Variants in WDR54 observed in about 807,000 individuals in gnomAD.
The protein encoded by WDR54 is WD repeat domain 54, also known as WD repeat-containing protein 54.
Under a neutral mutation model 44.1 loss-of-function variants are expected in WDR54, and 44 were observed. The observed-to-expected ratio is 1.00, with a 90% confidence interval of 0.78 to 1.28. The LOEUF is 1.28. Ranked by LOEUF, WDR54 falls within the 50% of genes most tolerant of loss-of-function variation. The probability of loss-of-function intolerance (pLI) is 0.00; values close to 1 mark genes in which losing one functional copy is unlikely to be tolerated. For synonymous variants in WDR54, 169 were observed against 169.8 expected, an observed-to-expected ratio of 1.00 and a Z score of 0.04; for missense variants, 409 against 429.7, an observed-to-expected ratio of 0.95 and a Z score of 0.43.
At chr2:74,424,067 A>C in intron 6 of WDR54, 85 bp downstream of exon 6, 3 of 1,553,862 alleles carry the variant, frequency 1.9e-6, no homozygotes, top group Non-Finnish European at 1.8e-6. Flanking sequence ...CTCTGCCACT[A>C]AACAGGTGGA....
At chr2:74,422,818 A>T in intron 2 of WDR54, 52 bp from the exon 3 acceptor site, 2 of 1,505,400 alleles carry the variant, frequency 1.3e-6, no homozygotes, top group Non-Finnish European at 1.8e-6. Flanking sequence ...AAACAAACAA[A>T]CTCATCTTCC....
At position 74,425,185 on chromosome 2, in the gene WDR54, A is replaced by G. The variant is rs1440576128; in HGVS notation, c.746A>G (p.Asn249Ser). Residue 249 changes from asparagine to serine, a missense_variant, in exon 8 of 10, where the codon AAT (asparagine) becomes AGT (serine). Asn to Ser is a conservative substitution (Grantham distance 46). Transcript: ENST00000348227. ...ATTGNLHVQI[N>S]AHARAICALD... ...ACAGGAAATCTACATGTCCAGATCAATGCCCATGCCCGGGCCATCTGCGCC... is the reference window on the plus strand; with the variant it reads ...ACAGGAAATCTACATGTCCAGATCAGTGCCCATGCCCGGGCCATCTGCGCC... The G allele has an allele frequency of 1.3e-6, 2 of 1,539,206 alleles. No homozygotes were observed. The highest frequency in any genetic ancestry group is 1.4e-5 in the African/African-American group (1 of 72,946).
rs1477133992 is a variant in WDR54 at position 74,424,939 on chromosome 2, C to T, written c.599C>T (p.Pro200Leu). ...SGLLCVWRSG[P>L]EFTLLTRIPG... ...TTGCTGTGTGTCTGGCGGTCAGGGC[C>T]AGAATTCACATTATTGACCCGCATT... Residue 200 changes from proline to leucine, a missense_variant, in exon 7 of 10, where the codon CCA becomes CTA. Pro to Leu is a moderately conservative substitution (Grantham distance 98). Coordinates refer to ENST00000348227, the MANE Select transcript of WDR54 (RefSeq NM_032118.4). The T allele has an allele frequency of 6.2e-7, 1 of 1,614,162 alleles. No individual in the cohort carries two copies. Among genetic ancestry groups the T allele is most frequent in the Admixed American group, 1.7e-5 (1 of 60,028 alleles).
At position 74,425,145 on chromosome 2, in the gene WDR54, C is replaced by T; in HGVS notation, c.706C>T (p.Leu236=). The change falls in exon 8 of 10, where the codon CTA becomes TTA. Residue 236 remains leucine, a synonymous_variant. Coordinates refer to ENST00000348227, the MANE Select transcript of WDR54 (RefSeq NM_032118.4). The part of the protein sequence containing the change: ...AAGYGNGQVH[L]YEATTGNLHV... ...AGGCTATGGGAACGGACAAGTGCAT[C>T]TATATGAGGCCACTACAGGAAATCT... is the stretch of plus-strand genomic sequence containing the variant. The T allele has an allele frequency of 6.4e-7, 1 of 1,560,400 alleles. No homozygotes were observed.
chr2:74,424,437 G>T (rs567783562), intron 6 of WDR54, among the ~76,000 whole-genome samples: 1 of 152,188 alleles, frequency 6.6e-6, no homozygotes, highest in Non-Finnish European at 1.5e-5. Flanking sequence ...TGAGAACAGG[G>T]TGTATATTTT....
At chr2:74,422,806 A>C (rs1489364430) in intron 2 of WDR54, 64 bp from the exon 3 acceptor site, 2 of 1,461,310 alleles carry the variant, frequency 1.4e-6, no homozygotes, top group Middle Eastern at 1.8e-4. Context: ...AAAAAAAAAA[A>C]AAAACAAACA....
chr2:74,422,797 A>C, intron 2 of WDR54, 73 bp from the exon 3 acceptor site: 4 of 1,307,158 alleles, frequency 3.1e-6, no homozygotes, highest in Non-Finnish European at 4.3e-6. Flanking sequence ...CGTCCCCCAA[A>C]AAAAAAAAAA....
chr2:74,424,624 A>G (rs1352485982), intron 6 of WDR54, among the ~76,000 whole-genome samples: 1 of 152,152 alleles, frequency 6.6e-6, no homozygotes, highest in Non-Finnish European at 1.5e-5. Context: ...CAGTGAGGCA[A>G]TTATGCACCC....
At position 74,424,397 on chromosome 2, in the gene WDR54, CTT is replaced by C. The variant is rs577381760; in HGVS notation, c.534+416_534+417del. Reference sequence around the variant, plus strand: ...TTGGCACTGCCCTCAAAAGACAACTCTTGTCTCCCCAAGTAATTTGCAAACCT... The same window carrying C: ...TTGGCACTGCCCTCAAAAGACAACTCGTCTCCCCAAGTAATTTGCAAACCT... On this transcript the variant is annotated intron_variant, in intron 6 of 9. Coordinates refer to ENST00000348227, the MANE Select transcript of WDR54 (RefSeq NM_032118.4). Among the ~76,000 whole-genome samples the C allele has an allele frequency of 2.7e-4, 41 of 152,316 alleles. No homozygotes were observed. The South Asian group carries it at 3.7e-3, about 14-fold the overall frequency.
In WDR54 at chr2:74,423,392, G is replaced by A; in HGVS notation, c.352+7G>A. On this transcript the variant is annotated splice_region_variant and intron_variant, in intron 4 of 9. Transcript: ENST00000348227. The stretch of plus-strand genomic sequence containing the variant: ...TCTGGAGATGCCTCCCCAGGTACCT[G>A]CAGGACCAAGTGGGGTGGGGGCAGG... The A allele has an allele frequency of 6.2e-7, 1 of 1,614,196 alleles. No individual in the cohort carries two copies. Among genetic ancestry groups the A allele is most frequent in the East Asian group, 2.2e-5 (1 of 44,884 alleles).
At position 74,421,828 on chromosome 2, in the gene WDR54, G is replaced by T; in HGVS notation, c.-2+12G>T. The stretch of plus-strand genomic sequence containing the variant: ...ATCTGGGGCTGCAGGTGTTACCTCT[G>T]ATCTAGGCCGGGGGCTTCAGGGATC... On this transcript the variant is annotated intron_variant, in intron 1 of 9. Transcript: ENST00000348227. 1.5e-6 allele frequency: 1 copy of T among 662,828 alleles called. No individual in the cohort carries two copies. 41.1% of individuals were successfully genotyped at this position (662,828 alleles called of 1,614,324 possible). A position where few individuals can be genotyped will look rare whatever the true frequency, so the allele number is the denominator to read the frequency against.
intron 6 of WDR54, 90 bp downstream of exon 6, chr2:74,424,072 G>T: frequency 6.5e-7 from 1 of 1,532,410 alleles, no homozygotes; most frequent in South Asian, 1.2e-5. Flanking sequence ...CCACTAAACA[G>T]GTGGATGGCT....
chr2:74,422,332 A>T lies in WDR54; in HGVS notation c.179A>T (p.His60Leu). The T allele has an allele frequency of 1.9e-6, 3 of 1,614,110 alleles. No individual in the cohort carries two copies. The highest frequency in any genetic ancestry group is 2.5e-6 in the Non-Finnish European group (3 of 1,180,006). ...EGVPLAQRQLHAKEGAGVSPP... is the reference protein window; with the variant it reads ...EGVPLAQRQLLAKEGAGVSPP... ...GTGCCCTTGGCCCAGCGCCAGCTCCACGCTAAGGAGGGTGCTGGAGTGAGT... is the reference window on the plus strand; with the variant it reads ...GTGCCCTTGGCCCAGCGCCAGCTCCTCGCTAAGGAGGGTGCTGGAGTGAGT... The change falls in exon 2 of 10, where the codon CAC (histidine) becomes CTC (leucine). Residue 60 changes from histidine to leucine, a missense_variant. His to Leu is a moderately conservative substitution (Grantham distance 99, BLOSUM62 -3). Coordinates refer to ENST00000348227, the MANE Select transcript of WDR54 (RefSeq NM_032118.4).
intron 5 of WDR54, 104 bp from the exon 6 acceptor site, chr2:74,423,751 G>A: frequency 6.5e-7 from 1 of 1,542,542 alleles, no homozygotes. Context: ...AGTGAGAGGG[G>A]GTTTTGTTAC....
intron 7 of WDR54, 35 bp downstream of exon 7, chr2:74,425,010 G>A (rs1395751614): frequency 6.2e-7 from 1 of 1,614,054 alleles, no homozygotes; most frequent in East Asian, 2.2e-5. Flanking sequence ...GGCTTCCTGA[G>A]ATAGCTTCAG....
intron 1 of WDR54, 134 bp downstream of exon 1, chr2:74,421,950 T>C (rs1676639324): frequency 4.8e-6 from 3 of 621,612 alleles, no homozygotes; most frequent in Non-Finnish European, 8.7e-6. Context: ...ATTCCTCCTC[T>C]GCGATTCCCC....
chr2:74,425,690 A>G lies in WDR54; in HGVS notation c.994A>G (p.Ser332Gly), dbSNP rs759310425. The G allele has an allele frequency of 3.1e-6, 5 of 1,614,202 alleles. No individual in the cohort carries two copies. The highest frequency in any genetic ancestry group is 4.2e-6 in the Non-Finnish European group (5 of 1,180,024). ...GYDLAEIRRF[S>G]SV ...TGACCTTGCGGAGATCCGGAGATTC[A>G]GCAGTGTGTGAGAAGAGCAGCCTTC... The change falls in exon 10 of 10, where the codon AGC (serine) becomes GGC (glycine). Residue 332 changes from serine to glycine, a missense_variant. Ser to Gly is a moderately conservative substitution (Grantham distance 56). Transcript: ENST00000348227.
Position 74,422,940 on chromosome 2 carries a change from G to C in WDR54, c.285+8G>C. On this transcript the variant is annotated splice_region_variant and intron_variant, in intron 3 of 9. Coordinates refer to ENST00000348227, the MANE Select transcript of WDR54 (RefSeq NM_032118.4). ...TCACATCGAGGAATACAGGTAAGAA[G>C]AGGACTCTCCTGCTTGCCCCACCAG... 1.9e-6 allele frequency: 3 copies of C among 1,614,114 alleles called. No individual in the cohort carries two copies. Among genetic ancestry groups the C allele is most frequent in the Non-Finnish European group, 2.5e-6 (3 of 1,180,004 alleles).
chr2:74,421,919 G>A (rs1167729373), intron 1 of WDR54, 103 bp downstream of exon 1: 6 of 614,562 alleles, frequency 9.8e-6, no homozygotes, highest in Non-Finnish European at 1.8e-5. Flanking sequence ...TGGGGCCATC[G>A]GGTGGTCCTG....
Sources: gnomAD v4.1 joint callset for allele counts (sites outside exome capture counted in the v4.1 genomes callset) on GRCh38, gnomAD v4.1.1 for gene constraint, MANE v1.5 for transcripts, NCBI Gene and HGNC (gene_info 2026-07-23, HGNC 2026-07-21) for gene names.